Variants in COL6A5 observed in about 807,000 individuals in gnomAD.
COL6A5 encodes collagen type VI alpha 5 chain.
COL6A5 carries 48 observed loss-of-function variants against 65.6 expected under a neutral mutation model. The ratio of observed to expected loss-of-function variants is 0.73; its 90% CI spans 0.58 to 0.93. COL6A5 has a LOEUF of 0.93. Among genes scored for constraint, COL6A5 ranks in the 40% least tolerant of loss-of-function variants. The pLI is 0.00. For missense variants in COL6A5, 914 were observed against 928.3 expected (o/e 0.98, Z 0.20); for synonymous variants, 291 against 322.8 (o/e 0.90, Z 1.05).
intron 7 of COL6A5, chr3:130,477,335 C>T: frequency 5.3e-6 from 2 of 377,832 alleles, no homozygotes; most frequent in Non-Finnish European, 9.4e-6. Flanking sequence ...TCCATTATAT[C>T]AAATTATCAC....
chr3:130,373,517 G>T lies in COL6A5; in HGVS notation c.-28-94G>T, dbSNP rs566405894. The stretch of plus-strand genomic sequence containing the variant: ...ACTTGGCACTGCTTGACAAATACTT[G>T]TTTACAGGTACCATGCCCTAATACA... On this transcript the variant is annotated intron_variant and NMD_transcript_variant, in intron 1 of 41. Transcript: ENST00000312481. 4.7e-6 allele frequency: 3 copies of T among 634,662 alleles called. No homozygotes were observed. In the African/African-American group the frequency reaches 5.6e-5, roughly 12 times the overall value. The allele number at this position is 634,662 out of a possible 1,614,324, so 39.3% of individuals were successfully genotyped here.
chr3:130,394,024 C>A (rs1215051204), intron 7 of COL6A5, among the ~76,000 whole-genome samples: 1 of 152,122 alleles, frequency 6.6e-6, no homozygotes, highest in African/African-American at 2.4e-5. Flanking sequence ...ATTCTGTGAC[C>A]GTGGGTAACC....
exon 4 of COL6A5, chr3:130,379,754 C>T (rs1318497799): frequency 6.4e-7 from 1 of 1,551,422 alleles, no homozygotes; most frequent in Admixed American, 2.0e-5. Context: ...AGCAGAAGAG[C>T]ACAAGGAGTG....
chr3:130,401,307 G>A (rs1204793185), intron 11 of COL6A5, 134 bp downstream of exon 11: 1 of 761,128 alleles, frequency 1.3e-6, no homozygotes, highest in East Asian at 2.8e-5. Context: ...ATATAAAAAA[G>A]TGTGGAAGAC....
exon 7 of COL6A5, chr3:130,391,696 C>G (rs1936408601): frequency 1.9e-6 from 3 of 1,551,588 alleles, no homozygotes; most frequent in Non-Finnish European, 2.6e-6. Context: ...ATAATTTTGA[C>G]AAACTGAAAG....
intron 1 of COL6A5, among the ~76,000 whole-genome samples, chr3:130,372,700 T>C (rs113850086): frequency 2.4e-4 from 37 of 152,186 alleles, no homozygotes; most frequent in African/African-American, 8.7e-4. Context: ...GCTATGGGTT[T>C]GGGGTTTCTT....
At chr3:130,475,989 G>A (rs1185016889) in intron 7 of COL6A5, among the ~76,000 whole-genome samples, 9 of 152,080 alleles carry the variant, frequency 5.9e-5, no homozygotes, top group Non-Finnish European at 1.0e-4. Context: ...ACCAACATCT[G>A]GAGGAAGGAA....
intron 1 of COL6A5, 131 bp downstream of exon 1, chr3:130,346,112 A>G: frequency 2.5e-6 from 1 of 397,526 alleles, no homozygotes; most frequent in East Asian, 3.6e-5. Context: ...TCTGAGCTCT[A>G]AGGAATTTTA....
chr3:130,376,528 C>T (rs1349502639), exon 3 of COL6A5: 2 of 1,605,780 alleles, frequency 1.2e-6, no homozygotes, highest in East Asian at 2.2e-5. Context: ...GCTCATAGGA[C>T]CTACTTCTCT....
chr3:130,398,091 C>A, exon 10 of COL6A5: 1 of 1,540,684 alleles, frequency 6.5e-7, no homozygotes, highest in Non-Finnish European at 8.8e-7. Flanking sequence ...GAAAATCAAT[C>A]AGACAGGCTC....
chr3:130,349,540 A>G lies in COL6A5; in HGVS notation c.-29+3559A>G, dbSNP rs77830466. Among the ~76,000 whole-genome samples the G allele has an allele frequency of 9.9e-3, 1,510 of 152,346 alleles. 17 individuals carry two copies. Among genetic ancestry groups the G allele is most frequent in the South Asian group, 0.08 (386 of 4,828 alleles). ...CCTAGGGCAGTCTTTTAACAATCAG[A>G]AAACACAAAAATTTAAGTAAATCAT... On this transcript the variant is annotated intron_variant and NMD_transcript_variant, in intron 1 of 41. Coordinates refer to the COL6A5 transcript ENST00000312481.
Position 130,377,692 on chromosome 3 carries a change from C to G in COL6A5, c.667+856C>G, listed in dbSNP as rs115505002. ...CTGAGTTCAAACCCTGGCTTGGCCA[C>G]TTAGGACATTGAGTCCCTTACTTAA... is the stretch of plus-strand genomic sequence containing the variant. On this transcript the variant is annotated intron_variant and NMD_transcript_variant, in intron 3 of 41. Coordinates refer to the COL6A5 transcript ENST00000312481. 3.1e-3 allele frequency among the ~76,000 whole-genome samples: 475 copies of G among 152,302 alleles called. 3 individuals carry two copies. The highest frequency in any genetic ancestry group is 0.011 in the African/African-American group (455 of 41,564).
chr3:130,410,172 C>A, intron 19 of COL6A5, 98 bp downstream of exon 19: 1 of 871,554 alleles, frequency 1.1e-6, no homozygotes, highest in Non-Finnish European at 1.8e-6. Context: ...AACAAATGCT[C>A]TTAAGACCAC....
At chr3:130,446,308 C>T (rs1463227491) in intron 4 of COL6A5, among the ~76,000 whole-genome samples, 1 of 152,068 alleles carries the variant, frequency 6.6e-6, no homozygotes, top group African/African-American at 2.4e-5. Context: ...GGAAAAGGCA[C>T]ATAAGCCCAA....
At chr3:130,358,125 C>T (rs925600264) in intron 1 of COL6A5, among the ~76,000 whole-genome samples, 2 of 151,958 alleles carry the variant, frequency 1.3e-5, no homozygotes, top group South Asian at 4.2e-4. Flanking sequence ...GGAGGCGGAG[C>T]TTGCAGTGAG....
At chr3:130,348,468 G>A (rs1013765640) in intron 1 of COL6A5, among the ~76,000 whole-genome samples, 1 of 152,140 alleles carries the variant, frequency 6.6e-6, no homozygotes, top group Non-Finnish European at 1.5e-5. Context: ...CTTTTTTATG[G>A]CTGCATAGTA....
chr3:130,437,878 G>GT (rs1206367052), intron 1 of COL6A5, among the ~76,000 whole-genome samples: 1 of 151,044 alleles, frequency 6.6e-6, no homozygotes, highest in Non-Finnish European at 1.5e-5. Flanking sequence ...ATCCTGCTTT[G>GT]TTTTTTTTCT....
At chr3:130,400,221 G>A (rs1446682717) in intron 10 of COL6A5, among the ~76,000 whole-genome samples, 1 of 152,060 alleles carries the variant, frequency 6.6e-6, no homozygotes, top group East Asian at 1.9e-4. Context: ...ATTTTTCCAA[G>A]AAACCTTCCA....
intron 1 of COL6A5, among the ~76,000 whole-genome samples, chr3:130,352,744 A>G (rs374122811): frequency 1.4e-4 from 21 of 152,328 alleles, no homozygotes; most frequent in African/African-American, 3.8e-4. Context: ...ATAACCGTAT[A>G]TACTTAATTT....
Sources: allele counts gnomAD v4.1 joint callset (sites outside exome capture counted in the v4.1 genomes callset), GRCh38; gene constraint gnomAD v4.1.1; transcripts MANE v1.5; gene names NCBI Gene and HGNC (gene_info 2026-07-23, HGNC 2026-07-21).